Variants in PFKM observed in about 807,000 individuals in gnomAD.
PFKM encodes the protein ATP-dependent 6-phosphofructokinase, muscle type.
In PFKM, 58 loss-of-function variants were observed where a neutral mutation model predicts 95.5. The observed-to-expected ratio is 0.61, with a 90% CI of 0.49 to 0.76. PFKM has a LOEUF of 0.76. PFKM is among the 30% of genes least tolerant of loss of function. The pLI is 0.00. For synonymous variants in PFKM, 336 were observed against 357.2 expected (o/e 0.94, Z 0.67); for missense variants, 678 against 1,005.4 (o/e 0.67, Z 4.40).
intron 2 of PFKM, among the ~76,000 whole-genome samples, chr12:48,129,613 CA>C (rs1179480188): frequency 1.3e-5 from 2 of 152,140 alleles, no homozygotes; most frequent in African/African-American, 4.8e-5. Context: ...CACATTGGAA[CA>C]TAGACCAACT....
At position 48,137,934 on chromosome 12, in the gene PFKM, G is replaced by A. The variant is rs1035461068; in HGVS notation, c.1062+88G>A. On this transcript the variant is annotated intron_variant, in intron 11 of 22. Coordinates refer to ENST00000359794, the MANE Select transcript of PFKM (RefSeq NM_000289.6). Reference sequence around the variant, plus strand: ...GCATGAGACTATGTCTAAGGCCACTGGTATAGGAGCAGGTGGAAAGGCAAG... The same window carrying A: ...GCATGAGACTATGTCTAAGGCCACTAGTATAGGAGCAGGTGGAAAGGCAAG... The A allele has an allele frequency of 5.6e-6, 8 of 1,438,340 alleles. No homozygotes were observed. The African/African-American group carries it at 7.0e-5, about 13-fold the overall frequency. The allele number at this position is 1,438,340 out of a possible 1,614,324, so 89.1% of individuals were successfully genotyped here.
intron 3 of PFKM, among the ~76,000 whole-genome samples, chr12:48,108,725 TCTTAA>T (rs1238972817): frequency 5.9e-5 from 9 of 152,178 alleles, no homozygotes; most frequent in Non-Finnish European, 8.8e-5. Context: ...ATGTATTTCG[TCTTAA>T]CTTAAATACA....
At chr12:48,126,061 A>G (rs1036513913) in intron 2 of PFKM, among the ~76,000 whole-genome samples, 1 of 152,016 alleles carries the variant, frequency 6.6e-6, no homozygotes, top group South Asian at 2.1e-4. Context: ...GTAATTGGAG[A>G]CTCCAAACTA....
Position 48,132,887 on chromosome 12 carries a change from G to A in PFKM, c.257G>A (p.Ser86Asn), listed in dbSNP as rs1949663557. 1 of 1,613,310 alleles carries A rather than the reference G, an allele frequency of 6.2e-7. No individual in the cohort carries two copies. Among genetic ancestry groups the A allele is most frequent in the Non-Finnish European group, 8.5e-7 (1 of 1,179,656 alleles). Residue 86 changes from serine (S) to asparagine (N), a missense_variant, in exon 5 of 23, where the codon AGT (serine) becomes AAT (asparagine). Transcript: ENST00000359794. ...CCAAAGGGAGGCACGGTGATTGGAA[G>A]TGCCCGGTGCAAGGACTTTCGGGAA... ...MLQLGGTVIG[S>N]ARCKDFRERE...
At chr12:48,139,958 C>A in intron 13 of PFKM, 46 bp downstream of exon 13, 1 of 1,243,742 alleles carries the variant, frequency 8.0e-7, no homozygotes, top group Non-Finnish European at 1.2e-6. Flanking sequence ...TTCTCCCTCC[C>A]CCAGTCTCTC....
intron 2 of PFKM, among the ~76,000 whole-genome samples, chr12:48,129,112 C>G (rs1315536583): frequency 6.6e-6 from 1 of 151,022 alleles, no homozygotes; most frequent in Admixed American, 6.6e-5. Context: ...CACTGAGCAG[C>G]TACTAGGAGA....
rs1950594770 is a variant in PFKM, at chr12:48,141,744, C to T, written c.1417C>T (p.Leu473=). Reference sequence around the variant, plus strand: ...CCGCCATCACTGATCAACTAGGACTCTACCCAAGAAGAGCTTTGAACAGAT... The same window carrying T: ...CCGCCATCACTGATCAACTAGGACTTTACCCAAGAAGAGCTTTGAACAGAT... ...GGSKLGTKRT[L]PKKSFEQISA... Residue 473 remains leucine, a synonymous_variant, in exon 16 of 23, where the codon CTA becomes TTA. Coordinates refer to ENST00000359794, the MANE Select transcript of PFKM (RefSeq NM_000289.6). 1 of 1,609,994 alleles carries T rather than the reference C, an allele frequency of 6.2e-7. No individual in the cohort carries two copies. Among genetic ancestry groups the T allele is most frequent in the Non-Finnish European group, 8.5e-7 (1 of 1,176,212 alleles).
chr12:48,112,936 A>G (rs908320190), intron 3 of PFKM, among the ~76,000 whole-genome samples: 1 of 152,106 alleles, frequency 6.6e-6, no homozygotes, highest in African/African-American at 2.4e-5. Context: ...GGGGTGCATG[A>G]TCAGTCGCCA....
chr12:48,105,489 T>C (rs748399669), upstream of PFKM: 5 of 519,032 alleles, frequency 9.6e-6, no homozygotes, highest in Middle Eastern at 3.2e-4. Flanking sequence ...TTCTTTCTGA[T>C]GGTGGCACTA....
chr12:48,135,160 CCT>C, intron 9 of PFKM, 122 bp downstream of exon 9: 1 of 1,096,746 alleles, frequency 9.1e-7, no homozygotes, highest in Non-Finnish European at 1.4e-6. Context: ...GTTCCCTGCC[CCT>C]GATTGCCTCC....
upstream of PFKM, among the ~76,000 whole-genome samples, chr12:48,116,603 T>C (rs1947704067): frequency 6.6e-6 from 1 of 152,170 alleles, no homozygotes; most frequent in African/African-American, 2.4e-5. Flanking sequence ...CTCAACCTCC[T>C]GAGTAGCTGG....
chr12:48,113,595 G>A (rs989027872), intron 3 of PFKM, among the ~76,000 whole-genome samples: 1 of 152,224 alleles, frequency 6.6e-6, no homozygotes, highest in Admixed American at 6.5e-5. Context: ...GACACTTGAA[G>A]CAAGATCCTG....
At chr12:48,115,432 G>C (rs189938061), upstream of PFKM, among the ~76,000 whole-genome samples, 1 of 152,280 alleles carries the variant, frequency 6.6e-6, no homozygotes, top group African/African-American at 2.4e-5. Flanking sequence ...TTGAGGGAAG[G>C]GGGTGGATCT....
intron 1 of PFKM, chr12:48,106,153 G>A (rs775212149): frequency 1.4e-6 from 1 of 702,032 alleles, no homozygotes; most frequent in East Asian, 2.7e-5. Flanking sequence ...TGAAGAGGAG[G>A]GGGCTGGGGC....
chr12:48,118,524 C>T, upstream of PFKM: 1 of 1,525,470 alleles, frequency 6.6e-7, no homozygotes. Context: ...AGGAAGAGGG[C>T]AGTGGTAAAA....
intron 10 of PFKM, 38 bp from the exon 11 acceptor site, chr12:48,137,683 C>T (rs1592763219): frequency 6.2e-7 from 1 of 1,613,662 alleles, no homozygotes; most frequent in African/African-American, 1.3e-5. Context: ...GATGGGGCAG[C>T]CTGAGCCAGA....
chr12:48,129,697 G>A (rs1180458677), intron 2 of PFKM, among the ~76,000 whole-genome samples: 1 of 152,216 alleles, frequency 6.6e-6, no homozygotes, highest in Admixed American at 6.5e-5. Flanking sequence ...GATATACTGT[G>A]AACTTGTGAA....
At position 48,133,375 on chromosome 12, in the gene PFKM, G is replaced by T; in HGVS notation, c.488G>T (p.Gly163Val). 6 of 1,613,856 alleles carry T rather than the reference G, an allele frequency of 3.7e-6. No individual in the cohort carries two copies. Among genetic ancestry groups the T allele is most frequent in the Non-Finnish European group, 5.1e-6 (6 of 1,179,818 alleles). Residue 163 changes from glycine to valine, a missense_variant, in exon 6 of 23, where the codon GGG (glycine) becomes GTG (valine). Physicochemically the swap from Gly to Val is moderately radical, Grantham distance 109. Coordinates refer to ENST00000359794, the MANE Select transcript of PFKM (RefSeq NM_000289.6). Reference sequence around the variant, plus strand: ...TACCTGAACATTGTGGGCCTGGTTGGGTCAATTGACAATGACTTCTGTGGC... The same window carrying T: ...TACCTGAACATTGTGGGCCTGGTTGTGTCAATTGACAATGACTTCTGTGGC... ...SSYLNIVGLV[G>V]SIDNDFCGTD...
exon 1 of PFKM, chr12:48,106,126 A>C (rs1450376480): frequency 1.0e-5 from 7 of 702,630 alleles, no homozygotes; most frequent in Non-Finnish European, 1.8e-5. Flanking sequence ...ACAGCACCGG[A>C]AGAGTCGCTA....
Sources: gnomAD v4.1 joint callset for allele counts (sites outside exome capture counted in the v4.1 genomes callset) on GRCh38, gnomAD v4.1.1 for gene constraint, MANE v1.5 for transcripts, NCBI Gene and HGNC (gene_info 2026-07-23, HGNC 2026-07-21) for gene names.